The following DGKD variants were observed in gnomAD, a reference collection of about 807,000 sequenced individuals.
DGKD encodes diacylglycerol kinase delta, also known as DAG kinase delta.
A neutral mutation model predicts 154.4 loss-of-function variants in DGKD; 68 were observed. That is an observed-to-expected ratio of 0.44 (90% CI 0.36 to 0.54). DGKD has a LOEUF of 0.54. DGKD is among the 20% of genes least tolerant of loss of function. The pLI, the probability that DGKD is intolerant of heterozygous loss-of-function variation, is 0.00. For synonymous variants in DGKD, 693 were observed against 638.0 expected (o/e 1.09, Z -1.30); for missense variants, 1,343 against 1,593.6 (o/e 0.84, Z 2.68).
chr2:233,388,283 C>G lies in DGKD; in HGVS notation c.183C>G (p.Thr61=). The G allele has an allele frequency of 6.2e-7, 1 of 1,613,792 alleles. No homozygotes were observed. The highest frequency in any genetic ancestry group is 1.1e-5 in the South Asian group (1 of 91,016). The change falls in exon 2 of 30, where the codon ACC becomes ACG. Residue 61 remains threonine, a synonymous_variant. Transcript: ENST00000264057. ...QKTIIKEGML[T]KQNNSFQRSK... is the part of the protein sequence containing the mutation. Reference sequence around the variant, plus strand: ...CCATCATCAAAGAGGGGATGCTGACCAAACAGAACAATTCATTCCAGCGAT... The same window carrying G: ...CCATCATCAAAGAGGGGATGCTGACGAAACAGAACAATTCATTCCAGCGAT...
In DGKD at chr2:233,434,390, C is replaced by A; in HGVS notation, c.359C>A (p.Pro120Gln). The A allele has an allele frequency of 6.2e-7, 1 of 1,614,008 alleles. No homozygotes were observed. The highest frequency in any genetic ancestry group is 8.5e-7 in the Non-Finnish European group (1 of 1,179,886). Reference sequence around the variant, plus strand: ...TGTTTCTTTCTCTAGGTCATAACTCCATGCAGGAAGCTCATCTTGTGTGCT... The same window carrying A: ...TGTTTCTTTCTCTAGGTCATAACTCAATGCAGGAAGCTCATCTTGTGTGCT... ...NVNNSFTVIT[P>Q]CRKLILCADN... Residue 120 changes from proline to glutamine, a missense_variant, in exon 4 of 30, where the codon CCA becomes CAA. By Grantham distance (76) the Pro-to-Gln change is moderately conservative (BLOSUM62 -1). Coordinates refer to ENST00000264057, the MANE Select transcript of DGKD (RefSeq NM_152879.3).
Position 233,435,123 on chromosome 2 carries a change from G to A in DGKD, c.586+222G>A, listed in dbSNP as rs962006085. ...TGCTCAGAGTGAAAAGGGAAGTGGT[G>A]GGTGGCAAAAGGAGAAATGGGAAAT... On this transcript the variant is annotated intron_variant, in intron 5 of 29. Coordinates refer to ENST00000264057, the MANE Select transcript of DGKD (RefSeq NM_152879.3). Among the ~76,000 whole-genome samples, 6 of 152,212 alleles carry A rather than the reference G, an allele frequency of 3.9e-5. No homozygotes were observed. In the South Asian group the frequency reaches 8.3e-4, roughly 21 times the overall value.
rs762843559 is a variant in DGKD at position 233,400,271 on chromosome 2, T to C, written c.348+9788T>C. The stretch of plus-strand genomic sequence containing the variant: ...GCTCATCACCCGAAGTGGGCGTGGG[T>C]GCTCCCCATAGCCAGGCTTTGTCTA... On this transcript the variant is annotated intron_variant, in intron 3 of 29. Transcript: ENST00000264057. 5.9e-5 allele frequency among the ~76,000 whole-genome samples: 9 copies of C among 152,354 alleles called. No homozygotes were observed. In the South Asian group the frequency reaches 6.2e-4, roughly 11 times the overall value.
intron 3 of DGKD, among the ~76,000 whole-genome samples, chr2:233,399,406 A>C (rs867447500): frequency 7.2e-5 from 11 of 152,192 alleles, no homozygotes; most frequent in Middle Eastern, 3.2e-3. Flanking sequence ...GCCTGGCTGC[A>C]AGATCAGGTC....
At position 233,464,277 on chromosome 2, in the gene DGKD, C is replaced by T. The variant is rs145208272; in HGVS notation, c.3300C>T (p.Asp1100=). ...TCTGCCAGTCCGCAGAGCCCGGCGACGAAGAGGTATGTGGCTCATAGGGCT... is the reference window on the plus strand; with the variant it reads ...TCTGCCAGTCCGCAGAGCCCGGCGATGAAGAGGTATGTGGCTCATAGGGCT... ...PWLCQSAEPG[D]EESVMLDLAK... is the part of the protein sequence containing the mutation. Residue 1100 remains aspartate (D), a synonymous_variant, in exon 27 of 30, where the codon GAC becomes GAT. Coordinates refer to ENST00000264057, the MANE Select transcript of DGKD (RefSeq NM_152879.3). The T allele has an allele frequency of 2.7e-5, 44 of 1,613,584 alleles. No individual in the cohort carries two copies. Among genetic ancestry groups the T allele is most frequent in the South Asian group, 3.3e-5 (3 of 91,080 alleles).
At chr2:233,391,508 G>A (rs1378569979) in intron 3 of DGKD, among the ~76,000 whole-genome samples, 1 of 152,120 alleles carries the variant, frequency 6.6e-6, no homozygotes, top group African/African-American at 2.4e-5. Flanking sequence ...TTTCTTGTAG[G>A]ATTTTATAAT....
chr2:233,463,165 G>A (rs2063705258), intron 26 of DGKD, among the ~76,000 whole-genome samples: 1 of 152,118 alleles, frequency 6.6e-6, no homozygotes, highest in Non-Finnish European at 1.5e-5. Context: ...CAGCCTTCTG[G>A]TTTTAAAGAT....
Position 233,470,397 on chromosome 2 carries a change from G to C in DGKD, c.*937G>C, listed in dbSNP as rs2063972447. The C allele has an allele frequency of 6.6e-6, 1 of 152,400 alleles. No individual in the cohort carries two copies. The highest frequency in any genetic ancestry group is 1.5e-5 in the Non-Finnish European group (1 of 68,100). 9.4% of individuals were successfully genotyped at this position (152,400 alleles called of 1,614,324 possible). On this transcript the variant is annotated 3_prime_UTR_variant, in exon 30 of 30. Transcript: ENST00000264057. ...GGCCCTGGTGGGCCAGGGGTGGTTT[G>C]ACCTCTTCAGCCCGTCCGGTGGCCT... is the stretch of plus-strand genomic sequence containing the variant.
At position 233,449,291 on chromosome 2, in the gene DGKD, G is replaced by A. The variant is rs775117269; in HGVS notation, c.1803G>A (p.Gln601=). Residue 601 remains glutamine (Q), a synonymous_variant, in exon 15 of 30, where the codon CAG becomes CAA. Transcript: ENST00000264057. The surrounding 1 kb of genome is among the most constrained non-coding windows in gnomAD (Gnocchi z 5.3). ...LVASACPARP[Q]IFRPREQLML... ...CATCAGCTTGCCCGGCCCGGCCGCA[G>A]ATATTCCGGCCTCGAGAACAGCTCA... 1.2e-6 allele frequency: 2 copies of A among 1,613,358 alleles called. No individual in the cohort carries two copies. The highest frequency in any genetic ancestry group is 3.3e-5 in the Admixed American group (2 of 60,030).
chr2:233,423,815 C>T (rs938787079), intron 3 of DGKD, among the ~76,000 whole-genome samples: 3 of 152,148 alleles, frequency 2.0e-5, no homozygotes, highest in Admixed American at 6.5e-5. Context: ...CACCCACCCC[C>T]CCAGTATCCA....
chr2:233,360,251 T>G (rs915787298), intron 1 of DGKD, among the ~76,000 whole-genome samples: 1 of 152,144 alleles, frequency 6.6e-6, no homozygotes, highest in African/African-American at 2.4e-5. Context: ...ATTAGTTAAA[T>G]ATCTTTAAAA....
chr2:233,374,976 T>G (rs147653718), intron 1 of DGKD, among the ~76,000 whole-genome samples: 300 of 152,326 alleles, frequency 2.0e-3, no homozygotes, highest in African/African-American at 7.0e-3. Flanking sequence ...GCCCCACTTT[T>G]CTGTTTTATT....
Position 233,458,231 on chromosome 2 carries a change from C to A in DGKD, c.2581-53C>A. 7.9e-7 allele frequency: 1 copy of A among 1,262,420 alleles called. No individual in the cohort carries two copies. The highest frequency in any genetic ancestry group is 1.1e-6 in the Non-Finnish European group (1 of 872,274). 78.2% of individuals were successfully genotyped at this position (1,262,420 alleles called of 1,614,324 possible). ...AGGGAGGGAGTGAGGGTAGGGGCGG[C>A]CTGTGCTCGGGGATGTGTGGAGTGG... is the stretch of plus-strand genomic sequence containing the variant. On this transcript the variant is annotated intron_variant, in intron 21 of 29. Transcript: ENST00000264057. The surrounding 1 kb of genome is among the most constrained non-coding windows in gnomAD (Gnocchi z 6.6).
chr2:233,448,048 A>C lies in DGKD; in HGVS notation c.1420-39A>C, dbSNP rs1475328492. ...TGGGACTGTCATGGAGCTTGCTGTC[A>C]CAGAGACCAACAGTCCTGGCCATTT... On this transcript the variant is annotated intron_variant, in intron 12 of 29. Transcript: ENST00000264057. 2.5e-6 allele frequency: 4 copies of C among 1,612,596 alleles called. No individual in the cohort carries two copies. In the South Asian group the frequency reaches 4.4e-5, roughly 18 times the overall value.
At chr2:233,389,410 G>GT (rs1227712788) in intron 2 of DGKD, among the ~76,000 whole-genome samples, 4 of 152,114 alleles carry the variant, frequency 2.6e-5, no homozygotes, top group Non-Finnish European at 5.9e-5. Context: ...GAATACCTGT[G>GT]TTTTTTATCA....
intron 1 of DGKD, among the ~76,000 whole-genome samples, chr2:233,369,599 C>A (rs1020405967): frequency 2.0e-5 from 3 of 152,218 alleles, no homozygotes; most frequent in African/African-American, 7.2e-5. Flanking sequence ...CTCCCCTCCC[C>A]CTTTCTGTTC....
chr2:233,451,818 T>G (rs1448121806), intron 17 of DGKD, 146 bp from the exon 18 acceptor site: 1 of 674,894 alleles, frequency 1.5e-6, no homozygotes, highest in Non-Finnish European at 2.4e-6. Context: ...ATTGGCAAAA[T>G]TTGGACATGG....
rs188958612 is a variant in DGKD at position 233,460,478 on chromosome 2, G to A, written c.2981+133G>A. 1.8e-5 allele frequency: 21 copies of A among 1,177,362 alleles called. No individual in the cohort carries two copies. In the Admixed American group the frequency reaches 5.7e-4, roughly 32 times the overall value. 72.9% of individuals were successfully genotyped at this position (1,177,362 alleles called of 1,614,324 possible). A position where few individuals can be genotyped will look rare whatever the true frequency, so the allele number is the denominator to read the frequency against. On this transcript the variant is annotated intron_variant, in intron 24 of 29. Transcript: ENST00000264057. The stretch of plus-strand genomic sequence containing the variant: ...GGTCTGCATTACCCATGAGGGCCGA[G>A]CCTGTTTATGTGCCCTCAGCTCTGG...
rs199903388 is a variant in DGKD, at chr2:233,446,830, A to G, written c.1419+34A>G. ...GGCCTGTTCTTCACACCCTGCTCGC[A>G]TGCTGATGTGATCAGAACTGTCCTG... On this transcript the variant is annotated intron_variant, in intron 12 of 29. Coordinates refer to ENST00000264057, the MANE Select transcript of DGKD (RefSeq NM_152879.3). 4.8e-5 allele frequency: 77 copies of G among 1,611,866 alleles called. 2 individuals carry two copies. The Middle Eastern group carries it at 2.0e-3, about 42-fold the overall frequency.
Sources: allele counts gnomAD v4.1 joint callset (sites outside exome capture counted in the v4.1 genomes callset), GRCh38; gene constraint gnomAD v4.1.1; non-coding constraint Gnocchi (gnomAD v3.1); transcripts MANE v1.5; gene names NCBI Gene and HGNC (gene_info 2026-07-23, HGNC 2026-07-21).